Variants in TARS3 observed in about 807,000 individuals in gnomAD.
The protein encoded by TARS3 is threonyl-tRNA synthetase 3, also known as threonine--tRNA ligase 2, cytoplasmic.
Under a neutral mutation model 103.5 loss-of-function variants are expected in TARS3, and 94 were observed. The ratio of observed to expected loss-of-function variants is 0.91; its 90% confidence interval spans 0.77 to 1.08. The LOEUF (loss-of-function observed/expected upper bound fraction) is 1.08. Among genes scored for constraint, TARS3 ranks in the 50% least tolerant of loss-of-function variants. The pLI is 0.00. For synonymous variants in TARS3, 416 were observed against 355.4 expected (o/e 1.17, Z -1.92); for missense variants, 952 against 995.2 (o/e 0.96, Z 0.58).
chr15:101,661,777 A>T lies in TARS3; in HGVS notation c.2007T>A (p.His669Gln). The T allele has an allele frequency of 1.2e-6, 2 of 1,607,986 alleles. No homozygotes were observed. Among genetic ancestry groups the T allele is most frequent in the Non-Finnish European group, 1.7e-6 (2 of 1,176,898 alleles). The part of the protein sequence containing the change: ...GDDKKRPVII[H>Q]RAILGSVERM... ...TTTCCACTGATCCCAAAATGGCTCG[A>T]TGAATGATCACAGGTCTCTTCTTAT... is the stretch of plus-strand genomic sequence containing the variant. Residue 669 changes from histidine (H) to glutamine (Q), a missense_variant, in exon 16 of 19, where the codon CAT becomes CAA. Around this residue, in one of 2 missense-constraint regions of TARS3, gnomAD observed 540 missense variants for 631.0 expected, o/e 0.86. Coordinates refer to ENST00000335968, the MANE Select transcript of TARS3 (RefSeq NM_152334.3).
chr15:101,704,536 T>C (rs1419548087), intron 7 of TARS3, among the ~76,000 whole-genome samples: 1 of 151,708 alleles, frequency 6.6e-6, no homozygotes, highest in Non-Finnish European at 1.5e-5. Flanking sequence ...GCGCCTGTAA[T>C]CCCAGCTACT....
intron 10 of TARS3, among the ~76,000 whole-genome samples, chr15:101,686,954 A>G (rs1379287380): frequency 6.6e-6 from 1 of 152,008 alleles, no homozygotes; most frequent in Non-Finnish European, 1.5e-5. Context: ...AACATAAAAC[A>G]TAACATTTTA....
chr15:101,711,999 C>A lies in TARS3; in HGVS notation c.693G>T (p.Val231=), dbSNP rs200919196. 3.7e-6 allele frequency: 6 copies of A among 1,611,856 alleles called. No individual in the cohort carries two copies. The South Asian group carries it at 6.6e-5, about 18-fold the overall frequency. The change falls in exon 5 of 19, where the codon GTG becomes GTT. Residue 231 remains valine, a splice_region_variant and synonymous_variant. Transcript: ENST00000335968. ...GAATGTGAGCACTGGAGTGCCAGTACACCTGCATGGCATGGACAAAGAGGC... is the reference window on the plus strand; with the variant it reads ...GAATGTGAGCACTGGAGTGCCAGTAAACCTGCATGGCATGGACAAAGAGGC... ...LTFDNEEAQA[V]YWHSSAHILG...
intron 15 of TARS3, among the ~76,000 whole-genome samples, chr15:101,662,292 A>T (rs1482425670): frequency 6.6e-6 from 1 of 152,218 alleles, no homozygotes; most frequent in Non-Finnish European, 1.5e-5. Context: ...GAAAAAAGCA[A>T]ATGATGACTT....
Position 101,684,079 on chromosome 15 carries a change from T to A in TARS3, c.1646A>T (p.Glu549Val), listed in dbSNP as rs752624681. ...TCACTCTGTGTTATTGTTTACCTGC[T>A]CCACTGTGCAAAAAATGTGAGCATC... is the stretch of plus-strand genomic sequence containing the variant. Reference protein sequence around the residue: ...QDDAHIFCTVEQIEEEIKGCL... With the variant: ...QDDAHIFCTVVQIEEEIKGCL... Residue 549 changes from glutamate (E) to valine (V), a missense_variant, in exon 12 of 19, where the codon GAG becomes GTG. By Grantham distance (121) the Glu-to-Val change is moderately radical. This residue lies in a region of TARS3 where 540 missense variants were observed against 631.0 expected (regional missense o/e 0.86). Coordinates refer to ENST00000335968, the MANE Select transcript of TARS3 (RefSeq NM_152334.3). 6.2e-7 allele frequency: 1 copy of A among 1,612,876 alleles called. No individual in the cohort carries two copies. Among genetic ancestry groups the A allele is most frequent in the South Asian group, 1.1e-5 (1 of 90,872 alleles).
At chr15:101,723,671 G>A (rs1348892156) in intron 1 of TARS3, among the ~76,000 whole-genome samples, 1 of 152,148 alleles carries the variant, frequency 6.6e-6, no homozygotes, top group Non-Finnish European at 1.5e-5. Flanking sequence ...AGCACAAAAA[G>A]CGAAAACTTC....
intron 1 of TARS3, 110 bp downstream of exon 1, chr15:101,723,981 A>C: frequency 1.9e-6 from 2 of 1,039,986 alleles, no homozygotes; most frequent in Non-Finnish European, 2.5e-6. Context: ...CTGGGAGGGC[A>C]CTCCCCCGGG....
chr15:101,713,815 C>T (rs1180833605), intron 4 of TARS3, among the ~76,000 whole-genome samples: 3 of 152,192 alleles, frequency 2.0e-5, no homozygotes, highest in Non-Finnish European at 4.4e-5. Context: ...TGAGGCATGG[C>T]TAGCTATGGC....
At chr15:101,677,717 C>T (rs1011241459) in intron 12 of TARS3, among the ~76,000 whole-genome samples, 6 of 152,010 alleles carry the variant, frequency 3.9e-5, no homozygotes, top group Non-Finnish European at 7.4e-5. Context: ...AGTCTAGTCT[C>T]GAACTCCCAA....
At chr15:101,699,182 A>G (rs1035110235) in intron 10 of TARS3, 5 of 265,302 alleles carry the variant, frequency 1.9e-5, no homozygotes, top group Non-Finnish European at 3.7e-5. Flanking sequence ...AACAGAAAAA[A>G]CAGCTGAGTT....
chr15:101,700,643 CTTT>C (rs756944000), intron 10 of TARS3, among the ~76,000 whole-genome samples: 1 of 145,072 alleles, frequency 6.9e-6, no homozygotes, highest in Admixed American at 6.9e-5. Context: ...TAGTACCTCA[CTTT>C]TTTTTTTTTT....
At chr15:101,714,019 T>C (rs1224196272) in intron 4 of TARS3, among the ~76,000 whole-genome samples, 2 of 152,228 alleles carry the variant, frequency 1.3e-5, no homozygotes, top group East Asian at 3.8e-4. Context: ...AAGCTAATCA[T>C]AACTTAGGTT....
intron 18 of TARS3, chr15:101,655,747 G>C (rs1034629154): frequency 1.9e-6 from 2 of 1,061,398 alleles, no homozygotes; most frequent in Non-Finnish European, 1.2e-6. Context: ...ACCCCACCTG[G>C]CACTAGGGTG....
chr15:101,685,381 G>A lies in TARS3; in HGVS notation c.1487+515C>T, dbSNP rs77387150. On this transcript the variant is annotated intron_variant, in intron 11 of 18. Transcript: ENST00000335968. ...GTATCTTCATTTTATGTGCTACAAA[G>A]AAAGAAAATAACCTATTAATTAAAT... Among the ~76,000 whole-genome samples, 730 of 152,162 alleles carry A rather than the reference G, an allele frequency of 4.8e-3. 43 individuals carry two copies. In the East Asian group the frequency reaches 0.13, roughly 27 times the overall value.
chr15:101,683,064 G>A (rs1245771166), intron 12 of TARS3, among the ~76,000 whole-genome samples: 1 of 152,010 alleles, frequency 6.6e-6, no homozygotes, highest in Admixed American at 6.6e-5. Flanking sequence ...TCTTCTCAGA[G>A]AACCAGCTTT....
At chr15:101,663,885 C>T (rs1034142283) in intron 15 of TARS3, among the ~76,000 whole-genome samples, 10 of 152,144 alleles carry the variant, frequency 6.6e-5, no homozygotes, top group Admixed American at 3.3e-4. Context: ...AGCTCTTTAT[C>T]GTGATAAGGA....
chr15:101,722,535 G>A (rs984266157), intron 2 of TARS3, among the ~76,000 whole-genome samples: 1 of 149,418 alleles, frequency 6.7e-6, no homozygotes, highest in Non-Finnish European at 1.5e-5. Flanking sequence ...GACCGGGGGC[G>A]GTGGCTCACG....
intron 13 of TARS3, among the ~76,000 whole-genome samples, chr15:101,672,681 A>G (rs1897858963): frequency 6.6e-6 from 1 of 151,930 alleles, no homozygotes; most frequent in Non-Finnish European, 1.5e-5. Flanking sequence ...AGAGACGGAG[A>G]TTTTTTTCCT....
At chr15:101,702,143 GA>G (rs1323077572) in intron 9 of TARS3, 95 bp downstream of exon 9, 48 of 1,473,546 alleles carry the variant, frequency 3.3e-5, no homozygotes, top group Non-Finnish European at 4.1e-5. Flanking sequence ...AGAAGAAGAA[GA>G]AATCTTATTT....
Sources: allele counts gnomAD v4.1 joint callset (sites outside exome capture counted in the v4.1 genomes callset), GRCh38; gene constraint gnomAD v4.1.1; regional missense constraint gnomAD v4.1.1; transcripts MANE v1.5; gene names NCBI Gene and HGNC (gene_info 2026-07-23, HGNC 2026-07-21).